SCFD2: variants seen among roughly 807,000 people sequenced by gnomAD.
SCFD2 encodes the protein sec1 family domain-containing protein 2.
A neutral mutation model predicts 58.9 loss-of-function variants in SCFD2; 54 were observed. The ratio of observed to expected loss-of-function variants is 0.92; its 90% CI spans 0.74 to 1.15. The LOEUF is 1.15. Among genes scored for constraint, SCFD2 ranks in the 50% most tolerant of loss-of-function variants. The probability of loss-of-function intolerance (pLI) is 0.00; values close to 1 mark genes in which losing one functional copy is unlikely to be tolerated. For synonymous variants in SCFD2, 321 were observed against 335.9 expected, an observed-to-expected ratio of 0.96 and a Z score of 0.49; for missense variants, 805 against 836.6, an observed-to-expected ratio of 0.96 and a Z score of 0.47.
intron 4 of SCFD2, among the ~76,000 whole-genome samples, chr4:53,158,032 T>C (rs561595594): frequency 6.6e-6 from 1 of 152,330 alleles, no homozygotes; most frequent in African/African-American, 2.4e-5. Flanking sequence ...TTGATGTCAA[T>C]GCTTCTGATC....
intron 4 of SCFD2, among the ~76,000 whole-genome samples, chr4:53,146,224 G>T (rs899228016): frequency 6.6e-6 from 1 of 152,084 alleles, no homozygotes; most frequent in Non-Finnish European, 1.5e-5. Context: ...ACAACTTCTC[G>T]AGTGATATTT....
At chr4:53,152,300 G>C (rs1187258972) in intron 4 of SCFD2, among the ~76,000 whole-genome samples, 1 of 151,580 alleles carries the variant, frequency 6.6e-6, no homozygotes, top group East Asian at 1.9e-4. Context: ...TTAATCAACA[G>C]GAAAATGCAA....
At chr4:53,280,253 C>T (rs1242199904) in intron 3 of SCFD2, among the ~76,000 whole-genome samples, 5 of 152,114 alleles carry the variant, frequency 3.3e-5, no homozygotes, top group South Asian at 2.1e-4. Context: ...CGGTGGCTCA[C>T]GCCTGTAATC....
intron 5 of SCFD2, among the ~76,000 whole-genome samples, chr4:52,986,193 GTTCCCTGAGCAA>G (rs1265764884): frequency 6.8e-6 from 1 of 147,858 alleles, no homozygotes; most frequent in Non-Finnish European, 1.5e-5. Flanking sequence ...CCCTCTGCCC[GTTCCCTGAGCAA>G]TTTAGAGGGG....
At chr4:52,947,944 A>C (rs1339545429) in intron 5 of SCFD2, among the ~76,000 whole-genome samples, 1 of 151,114 alleles carries the variant, frequency 6.6e-6, no homozygotes, top group African/African-American at 2.4e-5. Context: ...GGAAAAATAC[A>C]AACAACCAAG....
rs181117490 is a variant in SCFD2 at position 53,020,547 on chromosome 4, T to A, written c.1562-99677A>T. The stretch of plus-strand genomic sequence containing the variant: ...ATCATTCAAATAGCTCTGGTGTTGG[T>A]ATACCCTCATCGACTCCCATGACCC... On this transcript the variant is annotated intron_variant, in intron 5 of 8. Coordinates refer to ENST00000401642, the MANE Select transcript of SCFD2 (RefSeq NM_152540.4). Among the ~76,000 whole-genome samples, 315 of 152,306 alleles carry A rather than the reference T, an allele frequency of 2.1e-3. 1 individual carries two copies. The highest frequency in any genetic ancestry group is 3.5e-3 in the Admixed American group (53 of 15,290).
At chr4:52,887,405 A>G (rs1718764188) in intron 7 of SCFD2, among the ~76,000 whole-genome samples, 1 of 152,232 alleles carries the variant, frequency 6.6e-6, no homozygotes, top group South Asian at 2.1e-4. Flanking sequence ...GTAACCACTC[A>G]GGAAATGCAA....
chr4:53,303,501 G>A (rs536701970), intron 3 of SCFD2, among the ~76,000 whole-genome samples: 1 of 152,266 alleles, frequency 6.6e-6, no homozygotes, highest in East Asian at 1.9e-4. Flanking sequence ...TACACTGTTG[G>A]TGGGACTGTA....
At chr4:53,007,236 G>T (rs536821100) in intron 5 of SCFD2, among the ~76,000 whole-genome samples, 237 of 148,374 alleles carry the variant, frequency 1.6e-3, no homozygotes, top group African/African-American at 5.6e-3. Flanking sequence ...CCATGATTGT[G>T]CCACTGCACT....
At chr4:53,109,190 T>C (rs991639136) in intron 5 of SCFD2, among the ~76,000 whole-genome samples, 3 of 152,148 alleles carry the variant, frequency 2.0e-5, no homozygotes, top group African/African-American at 7.2e-5. Flanking sequence ...AAACTCTCCA[T>C]AAACTAGGTA....
Position 52,873,327 on chromosome 4 carries a change from C to G in SCFD2, c.*642G>C, listed in dbSNP as rs1389077894. 1.3e-5 allele frequency: 2 copies of G among 152,228 alleles called. No individual in the cohort carries two copies. The highest frequency in any genetic ancestry group is 6.5e-5 in the Admixed American group (1 of 15,274). The allele number at this position is 152,228 out of a possible 1,614,324, so 9.4% of individuals were successfully genotyped here. On this transcript the variant is annotated 3_prime_UTR_variant, in exon 9 of 9. Coordinates refer to ENST00000401642, the MANE Select transcript of SCFD2 (RefSeq NM_152540.4). ...AATCAACCACCTTCCCACTACAGTT[C>G]CAAGTAGCCTGGCAGACCTGCCCAG...
At chr4:53,098,391 G>A (rs180717274) in intron 5 of SCFD2, among the ~76,000 whole-genome samples, 152 of 152,114 alleles carry the variant, frequency 1.0e-3, no homozygotes, top group Non-Finnish European at 1.6e-3. Flanking sequence ...CTTCAATTTC[G>A]GAGCATGTTA....
intron 5 of SCFD2, among the ~76,000 whole-genome samples, chr4:53,077,042 T>C (rs1723997776): frequency 6.6e-6 from 1 of 152,210 alleles, no homozygotes; most frequent in Admixed American, 6.5e-5. Context: ...AGAACTTGCA[T>C]TGTATTTTCT....
chr4:53,251,637 T>C (rs1455990748), intron 4 of SCFD2, among the ~76,000 whole-genome samples: 1 of 152,050 alleles, frequency 6.6e-6, no homozygotes, highest in Non-Finnish European at 1.5e-5. Context: ...AAAAACCACA[T>C]GATTATCTCA....
chr4:52,954,779 G>A (rs1720672500), intron 5 of SCFD2, among the ~76,000 whole-genome samples: 1 of 152,150 alleles, frequency 6.6e-6, no homozygotes, highest in Admixed American at 6.5e-5. Context: ...AGCTCAAAGA[G>A]CTGGCGGTTT....
intron 5 of SCFD2, among the ~76,000 whole-genome samples, chr4:53,119,242 C>G (rs112233738): frequency 6.6e-5 from 10 of 151,722 alleles, no homozygotes; most frequent in Non-Finnish European, 1.3e-4. Context: ...CACTTGAACC[C>G]GGGAGGCAGA....
At chr4:53,230,530 C>A (rs1729401466) in intron 4 of SCFD2, among the ~76,000 whole-genome samples, 1 of 149,444 alleles carries the variant, frequency 6.7e-6, no homozygotes, top group African/African-American at 2.5e-5. Flanking sequence ...GGACAAAAAA[C>A]CAAACACCGC....
At chr4:53,240,762 C>T (rs946137988) in intron 4 of SCFD2, among the ~76,000 whole-genome samples, 5 of 152,208 alleles carry the variant, frequency 3.3e-5, no homozygotes, top group African/African-American at 4.8e-5. Flanking sequence ...GTCAGGCATC[C>T]GGAAGTGGCT....
At chr4:52,949,630 T>C (rs1332201462) in intron 5 of SCFD2, 1 of 152,262 alleles carries the variant, frequency 6.6e-6, no homozygotes, top group Non-Finnish European at 1.5e-5. Flanking sequence ...CAGTTCCTCC[T>C]GGTCCACTGG....
Sources: allele counts gnomAD v4.1 joint callset (sites outside exome capture counted in the v4.1 genomes callset), GRCh38; gene constraint gnomAD v4.1.1; transcripts MANE v1.5; gene names NCBI Gene and HGNC (gene_info 2026-07-23, HGNC 2026-07-21).